The following CHDH variants were observed in gnomAD, a reference collection of about 807,000 sequenced individuals.
CHDH encodes choline dehydrogenase, also known as choline dehydrogenase, mitochondrial.
In CHDH, 43 loss-of-function variants were observed where a neutral mutation model predicts 56.9. That is an observed-to-expected ratio of 0.76 (90% CI 0.59 to 0.97). The LOEUF is 0.97. Among genes scored for constraint, CHDH ranks in the 50% least tolerant of loss-of-function variants. The pLI is 0.00. For synonymous variants in CHDH, 364 were observed against 348.5 expected (o/e 1.04, Z -0.50); for missense variants, 816 against 821.1 (o/e 0.99, Z 0.08).
At chr3:53,832,498 C>T (rs1698368568) in intron 2 of CHDH, among the ~76,000 whole-genome samples, 1 of 152,032 alleles carries the variant, frequency 6.6e-6, no homozygotes, top group Non-Finnish European at 1.5e-5. Flanking sequence ...TACCACTGCA[C>T]TCCAGCCTGG....
chr3:53,819,795 G>C lies in CHDH; in HGVS notation c.1121-121C>G. ...CTTCCTTTTCCCGGACTCCACTCTA[G>C]TGCCTGGACCCAAGTCCTGTCCACA... On this transcript the variant is annotated intron_variant, in intron 6 of 8. Transcript: ENST00000315251. This position sits in a 1 kb window ranked among gnomAD's most constrained non-coding sequence, Gnocchi z 5.4. The C allele has an allele frequency of 8.1e-7, 1 of 1,232,910 alleles. No individual in the cohort carries two copies. Among genetic ancestry groups the C allele is most frequent in the South Asian group, 1.6e-5 (1 of 62,954 alleles). 76.4% of individuals were successfully genotyped at this position (1,232,910 alleles called of 1,614,324 possible).
chr3:53,842,662 C>T (rs1012299275), intron 1 of CHDH, among the ~76,000 whole-genome samples: 1 of 152,200 alleles, frequency 6.6e-6, no homozygotes, highest in Non-Finnish European at 1.5e-5. Context: ...TGAGTTAACA[C>T]CTAGCCTGAG....
intron 2 of CHDH, among the ~76,000 whole-genome samples, chr3:53,837,186 C>A (rs749847568): frequency 6.6e-6 from 1 of 151,946 alleles, no homozygotes; most frequent in Non-Finnish European, 1.5e-5. Flanking sequence ...AGAGCAAGAC[C>A]CTGTCTCTAA....
Position 53,837,489 on chromosome 3 carries a change from G to A in CHDH, c.-60+3440C>T, listed in dbSNP as rs554787469. Among the ~76,000 whole-genome samples, 239 of 152,366 alleles carry A rather than the reference G, an allele frequency of 1.6e-3. 2 individuals are homozygous for A. The highest frequency in any genetic ancestry group is 5.5e-3 in the African/African-American group (227 of 41,594). ...CCCTGAAGTCTGACATCGCATCAGA[G>A]CTCTGCCAGGCCGCACCGTGTGACC... On this transcript the variant is annotated intron_variant, in intron 2 of 8. Transcript: ENST00000315251.
In CHDH at chr3:53,822,627, G is replaced by T; in HGVS notation, c.719C>A (p.Ala240Glu). 1 of 1,608,808 alleles carries T rather than the reference G, an allele frequency of 6.2e-7. No individual in the cohort carries two copies. Residue 240 changes from alanine (A) to glutamate (E), a missense_variant, in exon 4 of 9, where the codon GCG becomes GAG. Transcript: ENST00000315251. ...TGCTGGGTGCAGGTAGGCACAGGCC[G>T]CGCTCCACCGTTTGCCTGCAGGATG... ...MTIHEGKRWS[A>E]ACAYLHPALS...
intron 1 of CHDH, among the ~76,000 whole-genome samples, chr3:53,841,426 C>T (rs949839964): frequency 4.6e-5 from 7 of 152,330 alleles, no homozygotes; most frequent in African/African-American, 1.2e-4. Context: ...CACACCAGTA[C>T]AAGCAGAGCC....
rs1213201052 is a variant in CHDH, at chr3:53,816,591, C to T, written c.*1186G>A. 1 of 152,204 alleles carries T rather than the reference C, an allele frequency of 6.6e-6. No individual in the cohort carries two copies. The highest frequency in any genetic ancestry group is 1.5e-5 in the Non-Finnish European group (1 of 68,072). The allele number at this position is 152,204 out of a possible 1,614,324, so 9.4% of individuals were successfully genotyped here. On this transcript the variant is annotated 3_prime_UTR_variant, in exon 9 of 9. Coordinates refer to ENST00000315251, the MANE Select transcript of CHDH (RefSeq NM_018397.5). ...GTCTACAGAATAAGAATTAACCATC[C>T]TTGTCCACTGCTGGGATGGCTCAGG... is the stretch of plus-strand genomic sequence containing the variant.
rs951299553 is a variant in CHDH, at chr3:53,812,360, G to A, written c.*5417C>T. The A allele has an allele frequency of 1.3e-5, 2 of 152,166 alleles. No homozygotes were observed. Among genetic ancestry groups the A allele is most frequent in the East Asian group, 3.8e-4 (2 of 5,204 alleles). 9.4% of individuals were successfully genotyped at this position (152,166 alleles called of 1,614,324 possible). A position where few individuals can be genotyped will look rare whatever the true frequency, so the allele number is the denominator to read the frequency against. ...TAGAGCCAATTCTCATTTATTCAGC[G>A]AAAATCCTCTGGGGTTAAAATTTTA... On this transcript the variant is annotated 3_prime_UTR_variant, in exon 9 of 9. Coordinates refer to ENST00000315251, the MANE Select transcript of CHDH (RefSeq NM_018397.5).
intron 2 of CHDH, among the ~76,000 whole-genome samples, chr3:53,831,194 A>G (rs1398989044): frequency 1.3e-5 from 2 of 152,214 alleles, no homozygotes; most frequent in Non-Finnish European, 1.5e-5. Flanking sequence ...TGAAAAGGGA[A>G]AAGTGGGAAG....
intron 2 of CHDH, among the ~76,000 whole-genome samples, chr3:53,824,517 A>C (rs1375546733): frequency 6.6e-6 from 1 of 152,254 alleles, no homozygotes. Flanking sequence ...ATCTGCTCTC[A>C]AAACGGATGG....
chr3:53,832,531 C>CA (rs745501500), intron 2 of CHDH, among the ~76,000 whole-genome samples: 125 of 149,764 alleles, frequency 8.3e-4, no homozygotes, highest in Non-Finnish European at 1.5e-3. Flanking sequence ...GACTCCATCT[C>CA]AAAAAAATAA....
chr3:53,830,799 G>A (rs538337214), intron 2 of CHDH, among the ~76,000 whole-genome samples: 15 of 152,284 alleles, frequency 9.9e-5, no homozygotes, highest in Admixed American at 4.6e-4. Context: ...GGGAGGAGAA[G>A]AGCAAGATGG....
Position 53,819,735 on chromosome 3 carries a change from G to A in CHDH, c.1121-61C>T, listed in dbSNP as rs2095622603. On this transcript the variant is annotated intron_variant, in intron 6 of 8. Coordinates refer to ENST00000315251, the MANE Select transcript of CHDH (RefSeq NM_018397.5). This position sits in a 1 kb window ranked among gnomAD's most constrained non-coding sequence, Gnocchi z 5.4. ...TCAGGCCGTGGCAGGTGGGCCGGCT[G>A]CTCCTGGTTTCCCTCCTTTCTCCTG... 15 of 1,478,368 alleles carry A rather than the reference G, an allele frequency of 1.0e-5. No homozygotes were observed. Among genetic ancestry groups the A allele is most frequent in the Non-Finnish European group, 1.1e-5 (12 of 1,110,664 alleles). 91.6% of individuals were successfully genotyped at this position (1,478,368 alleles called of 1,614,324 possible).
chr3:53,822,781 A>AAAGACCCTGCAAGACCCTGC (rs376214283), intron 3 of CHDH, 139 bp from the exon 4 acceptor site: 1 of 1,168,882 alleles, frequency 8.6e-7, no homozygotes, highest in African/African-American at 1.5e-5. Flanking sequence ...GCTGAGACGG[A>AAAGACCCTGCAAGACCCTGC]AAGACCCTGC....
chr3:53,818,779 C>T (rs1165263423), intron 8 of CHDH, among the ~76,000 whole-genome samples, 159 bp downstream of exon 8: 1 of 152,190 alleles, frequency 6.6e-6, no homozygotes, highest in East Asian at 1.9e-4. Context: ...TACGGGGCTG[C>T]CTATGCAAGT....
rs1302101106 is a variant in CHDH, at chr3:53,823,435, C to T, written c.574G>A (p.Gly192Ser). ...GADGPLRVSR[G>S]KTNHPLHCAF... ...CAGTGCAGCGGGTGGTTGGTCTTGC[C>T]CCGGGACACCCGCAGCGGGCCATCG... is the stretch of plus-strand genomic sequence containing the variant. The change falls in exon 3 of 9, where the codon GGC (glycine) becomes AGC (serine). Residue 192 changes from glycine (G) to serine (S), a missense_variant. Coordinates refer to ENST00000315251, the MANE Select transcript of CHDH (RefSeq NM_018397.5). The T allele has an allele frequency of 6.3e-6, 10 of 1,576,152 alleles. No homozygotes were observed. Among genetic ancestry groups the T allele is most frequent in the South Asian group, 1.2e-5 (1 of 86,356 alleles).
In CHDH at chr3:53,822,594, C is replaced by T. The variant is rs756480475; in HGVS notation, c.752G>A (p.Arg251His). 2.0e-5 allele frequency: 32 copies of T among 1,612,240 alleles called. No individual in the cohort carries two copies. The highest frequency in any genetic ancestry group is 6.7e-5 in the African/African-American group (5 of 74,944). ...ACAYLHPALS[R>H]TNLKAEAETL... is the part of the protein sequence containing the mutation. ...CTCGGCCTCGGCCTTGAGGTTGGTG[C>T]GGCTCAGTGCTGGGTGCAGGTAGGC... Residue 251 changes from arginine (R) to histidine (H), a missense_variant, in exon 4 of 9, where the codon CGC (arginine) becomes CAC (histidine). Transcript: ENST00000315251.
intron 1 of CHDH, chr3:53,844,540 CCT>C (rs1276122808): frequency 6.5e-6 from 1 of 152,970 alleles, no homozygotes; most frequent in African/African-American, 2.4e-5. Context: ...TCCACTGCCC[CCT>C]GAGAAAGTCT....
intron 2 of CHDH, among the ~76,000 whole-genome samples, chr3:53,838,619 C>T (rs183651127): frequency 3.9e-4 from 60 of 152,288 alleles, no homozygotes; most frequent in African/African-American, 1.3e-3. Flanking sequence ...GATGAAGGCT[C>T]TCCTCATGGG....
Sources: gnomAD v4.1 joint callset for allele counts (sites outside exome capture counted in the v4.1 genomes callset) on GRCh38, gnomAD v4.1.1 for gene constraint, Gnocchi (gnomAD v3.1) non-coding constraint, MANE v1.5 for transcripts, NCBI Gene and HGNC (gene_info 2026-07-23, HGNC 2026-07-21) for gene names.